The following IL34 variants were observed in gnomAD, a reference collection of about 807,000 sequenced individuals.
IL34 encodes interleukin-34.
Under a neutral mutation model 25.3 loss-of-function variants are expected in IL34, and 17 were observed. The ratio of observed to expected loss-of-function variants is 0.67; its 90% CI spans 0.46 to 1.01. The LOEUF (loss-of-function observed/expected upper bound fraction) is 1.01, where lower values mean the gene tolerates loss of function less well. Among genes scored for constraint, IL34 ranks in the 50% least tolerant of loss-of-function variants. The pLI is 0.00. For missense variants in IL34, 368 were observed against 312.9 expected, an observed-to-expected ratio of 1.18 and a Z score of -1.33; for synonymous variants, 174 against 140.9, an observed-to-expected ratio of 1.23 and a Z score of -1.66.
intron 1 of IL34, among the ~76,000 whole-genome samples, chr16:70,586,697 C>G (rs1334761898): frequency 6.6e-6 from 1 of 152,216 alleles, no homozygotes; most frequent in Non-Finnish European, 1.5e-5. Flanking sequence ...CGTCCTGGAC[C>G]TGTCCTCCAG....
At chr16:70,594,316 T>C (rs1430050360) in intron 1 of IL34, among the ~76,000 whole-genome samples, 1 of 152,228 alleles carries the variant, frequency 6.6e-6, no homozygotes, top group African/African-American at 2.4e-5. Context: ...GTACTCCTCA[T>C]ACAGATCTTG....
chr16:70,630,456 TC>T (rs564223519), intron 1 of IL34, among the ~76,000 whole-genome samples: 256 of 151,966 alleles, frequency 1.7e-3, no homozygotes, highest in Non-Finnish European at 3.1e-3. Context: ...GGTCTCGAAT[TC>T]CTGACCTCAG....
chr16:70,656,734 C>A, intron 3 of IL34, 55 bp downstream of exon 3: 1 of 1,000,454 alleles, frequency 1.0e-6, no homozygotes, highest in Non-Finnish European at 1.6e-6. Context: ...ATCCGGTGGG[C>A]CCCAGCCTCA....
chr16:70,582,135 CG>C (rs1278616424), intron 1 of IL34, among the ~76,000 whole-genome samples: 2 of 152,214 alleles, frequency 1.3e-5, no homozygotes, highest in African/African-American at 4.8e-5. Flanking sequence ...CCAGCTTCAT[CG>C]TAACTAGAGT....
intron 1 of IL34, among the ~76,000 whole-genome samples, chr16:70,629,467 T>C (rs1263493234): frequency 6.6e-6 from 1 of 152,180 alleles, no homozygotes; most frequent in Admixed American, 6.5e-5. Flanking sequence ...CCCCCAAAGA[T>C]ACCAAAATCC....
intron 1 of IL34, among the ~76,000 whole-genome samples, chr16:70,648,411 G>C (rs771889886): frequency 6.6e-6 from 1 of 152,044 alleles, no homozygotes. Flanking sequence ...AAATTAGCCA[G>C]GTGTGGTGGC....
rs118062333 is a variant in IL34, at chr16:70,656,608, T to C, written c.169T>C (p.Tyr57His). 2,723 of 1,331,086 alleles carry C rather than the reference T, an allele frequency of 2.0e-3. 7 individuals carry two copies. The highest frequency in any genetic ancestry group is 2.7e-3 in the Non-Finnish European group (2,485 of 921,310). 82.5% of individuals were successfully genotyped at this position (1,331,086 alleles called of 1,614,324 possible). A position where few individuals can be genotyped will look rare whatever the true frequency, so the allele number is the denominator to read the frequency against. ...YRSRLQYMKH[Y>H]FPINYKISVP... is the part of the protein sequence containing the mutation. The stretch of plus-strand genomic sequence containing the variant: ...TGTTCTTGTGCCTCTCCAGAAACAC[T>C]ACTTCCCCATCAACTACAAGATCAG... The change falls in exon 3 of 6, where the codon TAC becomes CAC. Residue 57 changes from tyrosine to histidine, a missense_variant. Tyr to His is a moderately conservative substitution (Grantham distance 83). Transcript: ENST00000288098.
intron 1 of IL34, among the ~76,000 whole-genome samples, chr16:70,613,598 G>C (rs1293218137): frequency 6.6e-6 from 1 of 152,202 alleles, no homozygotes; most frequent in Non-Finnish European, 1.5e-5. Flanking sequence ...GTCCAGCCAG[G>C]AGTGGTGGCT....
chr16:70,616,684 C>G (rs868192332), intron 1 of IL34, among the ~76,000 whole-genome samples: 4 of 152,228 alleles, frequency 2.6e-5, no homozygotes, highest in African/African-American at 9.6e-5. Context: ...GGATCTCACA[C>G]AGTACATTCT....
rs2052336603 is a variant in IL34 at position 70,659,703 on chromosome 16, C to T, written c.488C>T (p.Ala163Val). 6.2e-7 allele frequency: 1 copy of T among 1,611,426 alleles called. No homozygotes were observed. Among genetic ancestry groups the T allele is most frequent in the East Asian group, 2.2e-5 (1 of 44,802 alleles). ...GPNLKLVRPK[A>V]LLDNCFRVME... ...AACCTGAAGCTGGTGCGGCCCAAAG[C>T]CCTGCTGGACAACTGCTTCCGGGTC... The change falls in exon 5 of 6, where the codon GCC becomes GTC. Residue 163 changes from alanine (A) to valine (V), a missense_variant. Transcript: ENST00000288098.
chr16:70,598,654 G>A (rs535969193), intron 1 of IL34, among the ~76,000 whole-genome samples: 1 of 152,208 alleles, frequency 6.6e-6, no homozygotes, highest in African/African-American at 2.4e-5. Context: ...TAGGAGAATC[G>A]CTTGAACCCA....
chr16:70,626,570 A>C (rs1005851991), intron 1 of IL34, among the ~76,000 whole-genome samples: 1 of 151,478 alleles, frequency 6.6e-6, no homozygotes, highest in African/African-American at 2.4e-5. Flanking sequence ...CTAATTTTGT[A>C]TTTTTAGTGG....
At chr16:70,629,355 A>G (rs1460866386) in intron 1 of IL34, among the ~76,000 whole-genome samples, 2 of 152,128 alleles carry the variant, frequency 1.3e-5, no homozygotes, top group Non-Finnish European at 2.9e-5. Flanking sequence ...TTAGGTAATT[A>G]TCCATCAATT....
intron 4 of IL34, among the ~76,000 whole-genome samples, chr16:70,658,704 C>G (rs1398773739): frequency 2.0e-5 from 3 of 152,158 alleles, no homozygotes; most frequent in Non-Finnish European, 1.5e-5. Flanking sequence ...CTCCTGGCCT[C>G]AAGTGATATG....
chr16:70,624,124 T>TAAGCC, intron 1 of IL34, among the ~76,000 whole-genome samples: 1 of 152,200 alleles, frequency 6.6e-6, no homozygotes, highest in East Asian at 1.9e-4. Context: ...TGGGAGTGGC[T>TAAGCC]GCCAGGTGAG....
intron 2 of IL34, among the ~76,000 whole-genome samples, chr16:70,655,335 G>A (rs1196913057): frequency 6.6e-6 from 1 of 152,020 alleles, no homozygotes; most frequent in Non-Finnish European, 1.5e-5. Flanking sequence ...ACAGGCGTGA[G>A]CCACTGCGCC....
intron 1 of IL34, among the ~76,000 whole-genome samples, chr16:70,613,867 C>G (rs141210028): frequency 0.054 from 7,833 of 144,490 alleles, 302 homozygotes; most frequent in Non-Finnish European, 0.072. Flanking sequence ...GAGTGAGACT[C>G]TGTCTCAGGA....
intron 1 of IL34, among the ~76,000 whole-genome samples, chr16:70,650,880 C>T (rs2052060964): frequency 6.6e-6 from 1 of 152,202 alleles, no homozygotes; most frequent in Non-Finnish European, 1.5e-5. Context: ...CCCAAATGCA[C>T]ATGTGAAGTT....
rs2052339378 is a variant in IL34, at chr16:70,659,764, C to T, written c.538+11C>T. 4 of 1,587,254 alleles carry T rather than the reference C, an allele frequency of 2.5e-6. No homozygotes were observed. The highest frequency in any genetic ancestry group is 3.4e-6 in the Non-Finnish European group (4 of 1,162,362). ...TGTACTGCTCCTGCTGTAAGGAGCT[C>T]TCAGGGGATGGCGCCTGGGGGTGGG... On this transcript the variant is annotated intron_variant, in intron 5 of 5. Coordinates refer to ENST00000288098, the MANE Select transcript of IL34 (RefSeq NM_001393494.1).
Sources: gnomAD v4.1 joint callset for allele counts (sites outside exome capture counted in the v4.1 genomes callset) on GRCh38, gnomAD v4.1.1 for gene constraint, MANE v1.5 for transcripts, NCBI Gene and HGNC (gene_info 2026-07-23, HGNC 2026-07-21) for gene names.